Variants in ZNF729 observed in about 807,000 individuals in gnomAD.
The protein encoded by ZNF729 is zinc finger protein 729.
A neutral mutation model predicts 12.2 loss-of-function variants in ZNF729; 15 were observed. The ratio of observed to expected loss-of-function variants is 1.23; its 90% CI spans 0.82 to 1.89. The LOEUF is 1.89. Among genes scored for constraint, ZNF729 ranks in the 40% most tolerant of loss-of-function variants. ZNF729 has a pLI of 0.00. For missense variants in ZNF729, 1,540 were observed against 1,456.7 expected, an observed-to-expected ratio of 1.06 and a Z score of -0.93; for synonymous variants, 492 against 476.3, an observed-to-expected ratio of 1.03 and a Z score of -0.43.
intron 3 of ZNF729, among the ~76,000 whole-genome samples, chr19:22,305,305 A>T (rs1968364638): frequency 6.6e-6 from 1 of 152,132 alleles, no homozygotes; most frequent in African/African-American, 2.4e-5. Context: ...TTTCTTTATA[A>T]ATTATCTACT....
At chr19:22,305,527 A>G (rs923291833) in intron 3 of ZNF729, among the ~76,000 whole-genome samples, 2 of 152,000 alleles carry the variant, frequency 1.3e-5, no homozygotes, top group African/African-American at 4.8e-5. Context: ...CTGTACATAT[A>G]AATATAATAA....
At chr19:22,310,324 G>A (rs1247678257) in intron 3 of ZNF729, among the ~76,000 whole-genome samples, 1 of 152,074 alleles carries the variant, frequency 6.6e-6, no homozygotes, top group African/African-American at 2.4e-5. Flanking sequence ...TCAGTATTAT[G>A]TTGGCTCTGG....
intron 1 of ZNF729, among the ~76,000 whole-genome samples, chr19:22,300,781 T>TA (rs1968294977): frequency 6.6e-6 from 1 of 152,202 alleles, no homozygotes; most frequent in Admixed American, 6.5e-5. Flanking sequence ...CAGAGTAACA[T>TA]ATGTGCATTG....
At chr19:22,292,080 C>T (rs1462048065) in intron 1 of ZNF729, among the ~76,000 whole-genome samples, 1 of 152,084 alleles carries the variant, frequency 6.6e-6, no homozygotes, top group Non-Finnish European at 1.5e-5. Context: ...GGTACATGTG[C>T]AGGTTTGTTA....
chr19:22,314,074 G>A lies in ZNF729; in HGVS notation c.657G>A (p.Ser219=), dbSNP rs766297588. Residue 219 remains serine (S), a synonymous_variant, in exon 4 of 4, where the codon TCG becomes TCA. Transcript: ENST00000601693. ...AAGAACGTGGCAAAGCCTTTAAATC[G>A]TTCTCAACCCTTACTAAACATAAGA... ...KCEERGKAFK[S]FSTLTKHKII... is the part of the protein sequence containing the mutation. 219 of 1,544,504 alleles carry A rather than the reference G, an allele frequency of 1.4e-4. No individual in the cohort carries two copies. Among genetic ancestry groups the A allele is most frequent in the African/African-American group, 3.7e-4 (27 of 72,672 alleles).
chr19:22,316,445 CAT>C lies in ZNF729; in HGVS notation c.3030_3031del (p.His1010GlnfsTer6), dbSNP rs774885767. 2.0e-5 allele frequency: 33 copies of C among 1,613,610 alleles called. No individual in the cohort carries two copies. In the Admixed American group the frequency reaches 4.2e-4, roughly 20 times the overall value. On this transcript the variant is annotated frameshift_variant, in exon 4 of 4. Transcript: ENST00000601693. LOFTEE classifies it low-confidence loss of function (END_TRUNC). ...DFNNSSTLKK[H>X]KLIHTREKLY... ...TAACAATTCCTCAACCCTTAAGAAACATAAGCTAATTCATACTAGGGAGAAAT... is the reference window on the plus strand; with the variant it reads ...TAACAATTCCTCAACCCTTAAGAAACAAGCTAATTCATACTAGGGAGAAAT...
In ZNF729 at chr19:22,313,762, T is replaced by C; in HGVS notation, c.345T>C (p.Cys115=). 6.3e-7 allele frequency: 1 copy of C among 1,597,538 alleles called. No homozygotes were observed. The highest frequency in any genetic ancestry group is 8.5e-7 in the Non-Finnish European group (1 of 1,173,014). The stretch of plus-strand genomic sequence containing the variant: ...TAATACTGAGAACATATGCAAGATG[T>C]GGACATAAGAATTTACGATTAAGAA... ...QEVILRTYAR[C]GHKNLRLRKD... is the part of the protein sequence containing the mutation. The change falls in exon 4 of 4, where the codon TGT becomes TGC. Residue 115 remains cysteine, a synonymous_variant. Coordinates refer to ENST00000601693, the MANE Select transcript of ZNF729 (RefSeq NM_001242680.2).
intron 3 of ZNF729, among the ~76,000 whole-genome samples, chr19:22,306,399 C>T (rs930221833): frequency 1.4e-5 from 2 of 148,146 alleles, no homozygotes; most frequent in African/African-American, 5.0e-5. Flanking sequence ...GATCATGCCA[C>T]TGTGCACCAG....
chr19:22,306,864 A>G lies in ZNF729; in HGVS notation c.253+2081A>G, dbSNP rs115356463. Reference sequence around the variant, plus strand: ...AGTAAGAAATTTTATATATGTCTGTATATTTACATTTAATAGAAAGCTTTT... The same window carrying G: ...AGTAAGAAATTTTATATATGTCTGTGTATTTACATTTAATAGAAAGCTTTT... On this transcript the variant is annotated intron_variant, in intron 3 of 3. Coordinates refer to ENST00000601693, the MANE Select transcript of ZNF729 (RefSeq NM_001242680.2). Among the ~76,000 whole-genome samples, 1,155 of 151,738 alleles carry G rather than the reference A, an allele frequency of 7.6e-3. 17 individuals are homozygous for G. Among genetic ancestry groups the G allele is most frequent in the African/African-American group, 0.026 (1,097 of 41,482 alleles).
rs1792064826 is a variant in ZNF729, at chr19:22,293,937, G to A, written c.30+7382G>A. Among the ~76,000 whole-genome samples, 8 of 152,304 alleles carry A rather than the reference G, an allele frequency of 5.3e-5. No individual in the cohort carries two copies. In the South Asian group the frequency reaches 1.4e-3, roughly 28 times the overall value. On this transcript the variant is annotated intron_variant, in intron 1 of 3. Coordinates refer to ENST00000601693, the MANE Select transcript of ZNF729 (RefSeq NM_001242680.2). ...CTATAGGTTTTGTGTTTACTCTGTT[G>A]ATGGTTTCCATTGCTGTGAAGAAGA...
Position 22,315,564 on chromosome 19 carries a change from A to G in ZNF729, c.2147A>G (p.Glu716Gly), listed in dbSNP as rs758586157. 2.5e-6 allele frequency: 4 copies of G among 1,610,304 alleles called. No homozygotes were observed. In the South Asian group the frequency reaches 4.4e-5, roughly 18 times the overall value. Reference sequence around the variant, plus strand: ...GGAGAGAAACCCTACAAATGTGAAGAATGTGGTAAAGCTTTTAAGTGGTCA... The same window carrying G: ...GGAGAGAAACCCTACAAATGTGAAGGATGTGGTAAAGCTTTTAAGTGGTCA... ...HTGEKPYKCE[E>G]CGKAFKWSSK... The change falls in exon 4 of 4, where the codon GAA (glutamate) becomes GGA (glycine). Residue 716 changes from glutamate (E) to glycine (G), a missense_variant. Glu to Gly is a moderately conservative substitution (Grantham distance 98). Coordinates refer to ENST00000601693, the MANE Select transcript of ZNF729 (RefSeq NM_001242680.2).
intron 1 of ZNF729, among the ~76,000 whole-genome samples, chr19:22,289,226 A>ATTT (rs373375131): frequency 1.5e-4 from 21 of 140,518 alleles, no homozygotes; most frequent in African/African-American, 2.7e-4. Flanking sequence ...CCATTTGTTA[A>ATTT]TTTTTTTTTT....
rs771250886 is a variant in ZNF729 at position 22,303,712 on chromosome 19, A to C, written c.31-46A>C. 11 of 1,487,574 alleles carry C rather than the reference A, an allele frequency of 7.4e-6. No individual in the cohort carries two copies. The South Asian group carries it at 1.2e-4, about 16-fold the overall frequency. The allele number at this position is 1,487,574 out of a possible 1,614,324, so 92.1% of individuals were successfully genotyped here. A position where few individuals can be genotyped will look rare whatever the true frequency, so the allele number is the denominator to read the frequency against. The stretch of plus-strand genomic sequence containing the variant: ...TGAGTCAAATTAAAAATTTCTGCCC[A>C]TGGCCACTTGGGAAATGTATATGTG... On this transcript the variant is annotated intron_variant, in intron 1 of 3. Coordinates refer to ENST00000601693, the MANE Select transcript of ZNF729 (RefSeq NM_001242680.2).
chr19:22,306,147 A>C (rs1214628404), intron 3 of ZNF729, among the ~76,000 whole-genome samples: 1 of 152,162 alleles, frequency 6.6e-6, no homozygotes, highest in Admixed American at 6.6e-5. Context: ...TTCTTAAAGA[A>C]ATAAAGTTTT....
At chr19:22,293,492 C>CAATTTTTTTT (rs1968182354) in intron 1 of ZNF729, among the ~76,000 whole-genome samples, 1 of 50,036 alleles carries the variant, frequency 2.0e-5, no homozygotes, top group Non-Finnish European at 3.8e-5. Context: ...AGCCTTTTGT[C>CAATTTTTTTT]TATTTTTTTT....
chr19:22,296,518 A>G (rs913015195), intron 1 of ZNF729, among the ~76,000 whole-genome samples: 1 of 151,920 alleles, frequency 6.6e-6, no homozygotes, highest in Non-Finnish European at 1.5e-5. Flanking sequence ...TTTATTCTTC[A>G]TTAATCTAGC....
Position 22,313,944 on chromosome 19 carries a change from A to G in ZNF729, c.527A>G (p.Lys176Arg). The G allele has an allele frequency of 6.5e-7, 1 of 1,535,428 alleles. No homozygotes were observed. The highest frequency in any genetic ancestry group is 8.7e-7 in the Non-Finnish European group (1 of 1,143,156). Reference protein sequence around the residue: ...YSNRNKVRHTKKKTFKCIKCS... With the variant: ...YSNRNKVRHTRKKTFKCIKCS... ...AATAGAAATAAGGTTAGACACACTAAAAAGAAAACTTTCAAATGTATAAAA... is the reference window on the plus strand; with the variant it reads ...AATAGAAATAAGGTTAGACACACTAGAAAGAAAACTTTCAAATGTATAAAA... The change falls in exon 4 of 4, where the codon AAA becomes AGA. Residue 176 changes from lysine (K) to arginine (R), a missense_variant. Physicochemically the swap from Lys to Arg is conservative, Grantham distance 26 (BLOSUM62 2). Coordinates refer to ENST00000601693, the MANE Select transcript of ZNF729 (RefSeq NM_001242680.2).
intron 1 of ZNF729, among the ~76,000 whole-genome samples, chr19:22,300,869 C>T (rs1968296041): frequency 6.6e-6 from 1 of 152,160 alleles, no homozygotes; most frequent in Non-Finnish European, 1.5e-5. Flanking sequence ...GCAGGGAAAA[C>T]CTGCTGCTAT....
At chr19:22,293,562 G>A (rs1426097877) in intron 1 of ZNF729, among the ~76,000 whole-genome samples, 4 of 124,058 alleles carry the variant, frequency 3.2e-5, no homozygotes, top group African/African-American at 6.5e-5. Context: ...GTGTGATCTC[G>A]GCTCACTGCA....
Sources: gnomAD v4.1 joint callset for allele counts (sites outside exome capture counted in the v4.1 genomes callset) on GRCh38, gnomAD v4.1.1 for gene constraint, MANE v1.5 for transcripts, NCBI Gene and HGNC (gene_info 2026-07-23, HGNC 2026-07-21) for gene names.